Variants in ACCSL observed in about 807,000 individuals in gnomAD.
ACCSL encodes probable inactive 1-aminocyclopropane-1-carboxylate synthase-like protein 2.
ACCSL carries 55 observed loss-of-function variants against 61.7 expected under a neutral mutation model. The observed-to-expected ratio is 0.89, with a 90% CI of 0.72 to 1.12. The LOEUF is 1.12. Ranked by LOEUF, ACCSL falls within the 50% of genes most tolerant of loss-of-function variation. The probability of loss-of-function intolerance (pLI) is 0.00; values close to 1 mark genes in which losing one functional copy is unlikely to be tolerated. For missense variants in ACCSL, 632 were observed against 698.0 expected (o/e 0.91, Z 1.07); for synonymous variants, 258 against 264.3 (o/e 0.98, Z 0.23).
the ACCSL span, among the ~76,000 whole-genome samples, chr11:44,029,984 ATTTTAT>A: frequency 2.4e-5 from 2 of 83,280 alleles, no homozygotes; most frequent in South Asian, 7.3e-4. Flanking sequence ...ATTTTATTTT[ATTTTAT>A]TTTATTTTAT....
chr11:44,008,878 A>G, the ACCSL span, among the ~76,000 whole-genome samples: 1 of 152,222 alleles, frequency 6.6e-6, no homozygotes, highest in Non-Finnish European at 1.5e-5. Flanking sequence ...ACTGAGGTCC[A>G]AGGTCATATC....
chr11:43,974,555 A>G, the ACCSL span, among the ~76,000 whole-genome samples: 1 of 152,210 alleles, frequency 6.6e-6, no homozygotes, highest in Non-Finnish European at 1.5e-5. Context: ...TACCTTTTGC[A>G]TGGAGACAGA....
chr11:43,961,403 C>G, the ACCSL span, among the ~76,000 whole-genome samples: 11 of 152,226 alleles, frequency 7.2e-5, no homozygotes, highest in Admixed American at 2.6e-4. Context: ...ATTTACCAAC[C>G]CTTCTTATCG....
chr11:43,983,841 C>T, the ACCSL span, among the ~76,000 whole-genome samples: 27 of 152,164 alleles, frequency 1.8e-4, 1 homozygote, highest in Admixed American at 1.4e-3. Context: ...TCAGGCCGGG[C>T]GCTGTGGCTC....
At chr11:43,943,386 C>T in the ACCSL span, 4 of 1,394,672 alleles carry the variant, frequency 2.9e-6, no homozygotes, top group Middle Eastern at 2.2e-4. The surrounding 1 kb of genome is among the most constrained non-coding windows in gnomAD (Gnocchi z 4.8). Flanking sequence ...GACCCGGGAC[C>T]GCCGCTCCTC....
chr11:44,024,512 G>A, the ACCSL span, among the ~76,000 whole-genome samples: 2 of 147,802 alleles, frequency 1.4e-5, no homozygotes, highest in Non-Finnish European at 3.0e-5. Flanking sequence ...TGTTTCTCTG[G>A]ACAACCCTAA....
the ACCSL span, among the ~76,000 whole-genome samples, chr11:44,004,501 T>C: frequency 6.6e-6 from 1 of 152,106 alleles, no homozygotes; most frequent in African/African-American, 2.4e-5. Flanking sequence ...AGCTGAGCTC[T>C]GGTCCCCTCC....
the ACCSL span, among the ~76,000 whole-genome samples, chr11:44,036,888 G>A: frequency 2.6e-5 from 4 of 152,126 alleles, no homozygotes; most frequent in African/African-American, 9.7e-5. Flanking sequence ...TTGATGGGTT[G>A]GGGACCTTTT....
At chr11:44,018,220 T>G in the ACCSL span, among the ~76,000 whole-genome samples, 1 of 152,078 alleles carries the variant, frequency 6.6e-6, no homozygotes, top group Non-Finnish European at 1.5e-5. Flanking sequence ...GATGCAGATA[T>G]CTGAGAGAGG....
the ACCSL span, among the ~76,000 whole-genome samples, chr11:44,032,513 C>T: frequency 6.6e-6 from 1 of 152,174 alleles, no homozygotes; most frequent in Admixed American, 6.5e-5. Flanking sequence ...GCCAAGTGCT[C>T]AGCACAGTGT....
Position 44,048,411 on chromosome 11 carries a change from T to C in ACCSL, c.375T>C (p.Asp125=), listed in dbSNP as rs1289026353. 1.9e-6 allele frequency: 3 copies of C among 1,614,068 alleles called. No homozygotes were observed. Among genetic ancestry groups the C allele is most frequent in the Non-Finnish European group, 2.5e-6 (3 of 1,180,006 alleles). Residue 125 remains aspartate (D), a synonymous_variant, in exon 1 of 14, where the codon GAT becomes GAC. Transcript: ENST00000378832. ...GQPDPVPQLS[D]CEAAFVNRDL... ...CTGATCCAGTTCCCCAACTGAGTGA[T>C]TGTGAAGCTGCCTTTGTCAACCGCG...
chr11:43,964,335 G>A, the ACCSL span, among the ~76,000 whole-genome samples: 1 of 151,934 alleles, frequency 6.6e-6, no homozygotes, highest in Non-Finnish European at 1.5e-5. Context: ...TACTCAGGAG[G>A]GTGAGGCAGG....
the ACCSL span, among the ~76,000 whole-genome samples, chr11:43,999,151 A>G: frequency 2.0e-5 from 3 of 152,196 alleles, no homozygotes; most frequent in African/African-American, 7.2e-5. Context: ...TTAAGACACA[A>G]TCCTGGCCCA....
chr11:43,921,197 C>T, the ACCSL span: 1 of 152,214 alleles, frequency 6.6e-6, no homozygotes, highest in Non-Finnish European at 1.5e-5. Context: ...GCTTTTTATC[C>T]TGTTTCCATT....
chr11:43,939,197 T>C, the ACCSL span, among the ~76,000 whole-genome samples: 2 of 152,248 alleles, frequency 1.3e-5, no homozygotes, highest in Non-Finnish European at 2.9e-5. Flanking sequence ...ATGTGGGCTG[T>C]CTTCCAAATG....
At chr11:44,019,941 G>A in the ACCSL span, among the ~76,000 whole-genome samples, 6 of 152,200 alleles carry the variant, frequency 3.9e-5, no homozygotes, top group Non-Finnish European at 1.5e-5. Context: ...GTATAAGGTA[G>A]GGGTCTAATT....
At chr11:44,010,085 A>G in the ACCSL span, among the ~76,000 whole-genome samples, 1 of 152,344 alleles carries the variant, frequency 6.6e-6, no homozygotes, top group Middle Eastern at 3.4e-3. Context: ...TCATGCCTGT[A>G]ATCCCAGCAT....
chr11:44,013,012 G>A, the ACCSL span, among the ~76,000 whole-genome samples: 1 of 152,206 alleles, frequency 6.6e-6, no homozygotes, highest in African/African-American at 2.4e-5. Flanking sequence ...AGTGCCGGGA[G>A]CATGGTAAAT....
At chr11:43,954,742 A>G in the ACCSL span, among the ~76,000 whole-genome samples, 3 of 151,580 alleles carry the variant, frequency 2.0e-5, no homozygotes, top group African/African-American at 7.3e-5. Flanking sequence ...GCGCCACCAC[A>G]CCCGGCTAAT....
Sources: gnomAD v4.1 joint callset for allele counts (sites outside exome capture counted in the v4.1 genomes callset) on GRCh38, gnomAD v4.1.1 for gene constraint, Gnocchi (gnomAD v3.1) non-coding constraint, MANE v1.5 for transcripts, NCBI Gene and HGNC (gene_info 2026-07-23, HGNC 2026-07-21) for gene names.